The following RGS7 variants were observed in gnomAD, a reference collection of about 807,000 sequenced individuals.
RGS7 encodes regulator of G protein signaling 7.
Under a neutral mutation model 81.1 loss-of-function variants are expected in RGS7, and 27 were observed. The observed-to-expected ratio is 0.33, with a 90% CI of 0.25 to 0.46. The LOEUF is 0.46. RGS7 is among the 20% of genes least tolerant of loss of function. The probability of loss-of-function intolerance (pLI) is 1.00; values close to 1 mark genes in which losing one functional copy is unlikely to be tolerated. For missense variants in RGS7, 396 were observed against 607.4 expected (o/e 0.65, Z 3.66); for synonymous variants, 208 against 207.7 (o/e 1.00, Z -0.01).
At chr1:241,332,989 G>A (rs765699294) in intron 2 of RGS7, among the ~76,000 whole-genome samples, 9 of 152,164 alleles carry the variant, frequency 5.9e-5, no homozygotes, top group Admixed American at 1.3e-4. Flanking sequence ...CAGTGATGTC[G>A]GGCTGAGCCC....
chr1:241,336,659 AG>A (rs2082263210), intron 2 of RGS7, among the ~76,000 whole-genome samples: 2 of 152,216 alleles, frequency 1.3e-5, no homozygotes, highest in African/African-American at 4.8e-5. Flanking sequence ...TTTCTTTCTT[AG>A]GACTATATGA....
chr1:241,189,982 A>T (rs1053224821), intron 2 of RGS7, among the ~76,000 whole-genome samples: 1 of 152,278 alleles, frequency 6.6e-6, no homozygotes, highest in African/African-American at 2.4e-5. Flanking sequence ...GGGCACCTGT[A>T]GTCCCAGCTA....
intron 2 of RGS7, among the ~76,000 whole-genome samples, chr1:241,333,496 T>C (rs2082081430): frequency 1.3e-5 from 2 of 152,230 alleles, no homozygotes; most frequent in African/African-American, 4.8e-5. Flanking sequence ...CATGTTTCCA[T>C]GTTTATAATC....
At chr1:240,940,197 A>C (rs761899722) in intron 4 of RGS7, among the ~76,000 whole-genome samples, 1 of 152,308 alleles carries the variant, frequency 6.6e-6, no homozygotes, top group East Asian at 1.9e-4. Flanking sequence ...TACTGCCTTC[A>C]GCCAGATTTT....
At chr1:241,119,512 T>C (rs992828080) in intron 2 of RGS7, among the ~76,000 whole-genome samples, 1 of 152,246 alleles carries the variant, frequency 6.6e-6, no homozygotes, top group African/African-American at 2.4e-5. Flanking sequence ...ATACTCCTAC[T>C]GTACTAAAAT....
At chr1:240,929,124 C>G (rs1674974636) in intron 6 of RGS7, among the ~76,000 whole-genome samples, 1 of 152,160 alleles carries the variant, frequency 6.6e-6, no homozygotes, top group Non-Finnish European at 1.5e-5. Context: ...ATATTGCACG[C>G]CTAAAGTCAC....
At chr1:240,808,684 C>T (rs1419748684) in intron 14 of RGS7, among the ~76,000 whole-genome samples, 2 of 152,138 alleles carry the variant, frequency 1.3e-5, no homozygotes, top group Non-Finnish European at 2.9e-5. Flanking sequence ...CTTTCTTATT[C>T]TCACCATTAC....
At chr1:240,920,247 G>A in intron 6 of RGS7, 1 of 1,249,512 alleles carries the variant, frequency 8.0e-7, no homozygotes, top group South Asian at 1.2e-5. Flanking sequence ...AAGTGGTTCT[G>A]GAAACTTTGG....
At chr1:241,225,190 C>T (rs1407116436) in intron 2 of RGS7, among the ~76,000 whole-genome samples, 8 of 152,104 alleles carry the variant, frequency 5.3e-5, no homozygotes. Flanking sequence ...GACTATTATT[C>T]CACTCTCTGA....
intron 2 of RGS7, among the ~76,000 whole-genome samples, chr1:241,207,126 G>A (rs574871308): frequency 2.3e-4 from 34 of 151,104 alleles, no homozygotes; most frequent in South Asian, 8.4e-4. Flanking sequence ...CCACCACCAC[G>A]CCCGGCTAAT....
chr1:241,245,347 AC>A (rs1400380121), intron 2 of RGS7, among the ~76,000 whole-genome samples: 2 of 149,200 alleles, frequency 1.3e-5, no homozygotes, highest in African/African-American at 5.0e-5. Flanking sequence ...ACCTCCCCAC[AC>A]CCCCCTCCTC....
chr1:241,207,741 C>T (rs2074005630), intron 2 of RGS7, among the ~76,000 whole-genome samples: 1 of 152,136 alleles, frequency 6.6e-6, no homozygotes, highest in African/African-American at 2.4e-5. Context: ...TCTCCAAAAT[C>T]TTCCACACGT....
Position 240,910,002 on chromosome 1 carries a change from TCTTCTGTCC to T in RGS7, c.385+20706_385+20714del, listed in dbSNP as rs535149123. Among the ~76,000 whole-genome samples, 1,103 of 152,314 alleles carry T rather than the reference TCTTCTGTCC, an allele frequency of 7.2e-3. 15 individuals are homozygous for T. The highest frequency in any genetic ancestry group is 0.025 in the African/African-American group (1,051 of 41,562). On this transcript the variant is annotated intron_variant, in intron 6 of 18. Coordinates refer to ENST00000440928, the MANE Select transcript of RGS7 (RefSeq NM_001364886.1). The stretch of plus-strand genomic sequence containing the variant: ...CTTTATTAAAGTGCAGCAGACGTGC[TCTTCTGTCC>T]CTTCTGTCCCTTCTGTTTGTGGTTC...
At chr1:241,342,298 T>A (rs12128798) in intron 2 of RGS7, among the ~76,000 whole-genome samples, 3 of 152,072 alleles carry the variant, frequency 2.0e-5, no homozygotes, top group South Asian at 2.1e-4. Flanking sequence ...ATTAGGCCCA[T>A]CAGCACACCA....
At chr1:241,067,766 C>T (rs1374044596) in intron 3 of RGS7, among the ~76,000 whole-genome samples, 9 of 151,992 alleles carry the variant, frequency 5.9e-5, no homozygotes, top group Non-Finnish European at 5.9e-5. Context: ...CCACCTGCCT[C>T]GGCCTCCCAA....
intron 6 of RGS7, among the ~76,000 whole-genome samples, chr1:240,905,938 C>T (rs532921312): frequency 2.6e-5 from 4 of 152,224 alleles, no homozygotes; most frequent in Admixed American, 6.5e-5. Flanking sequence ...ATGTCAGTTA[C>T]GATGTGAAAT....
At chr1:241,043,521 T>TTAA (rs1448748814) in intron 3 of RGS7, among the ~76,000 whole-genome samples, 1 of 147,944 alleles carries the variant, frequency 6.8e-6, no homozygotes. Context: ...TGATATGATA[T>TTAA]TAATACATAT....
chr1:240,859,123 T>A (rs1661679848), intron 9 of RGS7, among the ~76,000 whole-genome samples: 1 of 152,210 alleles, frequency 6.6e-6, no homozygotes, highest in Non-Finnish European at 1.5e-5. Flanking sequence ...GCTTCCTGTC[T>A]TAGAAGGTTA....
At chr1:240,950,755 A>G (rs974061690) in intron 4 of RGS7, among the ~76,000 whole-genome samples, 1 of 152,226 alleles carries the variant, frequency 6.6e-6, no homozygotes, top group Non-Finnish European at 1.5e-5. Flanking sequence ...GAGGAGCTCA[A>G]AGTCACAGAA....
Sources: allele counts gnomAD v4.1 joint callset (sites outside exome capture counted in the v4.1 genomes callset), GRCh38; gene constraint gnomAD v4.1.1; transcripts MANE v1.5; gene names NCBI Gene and HGNC (gene_info 2026-07-23, HGNC 2026-07-21).